The following CERS6 variants were observed in gnomAD, a reference collection of about 807,000 sequenced individuals.
CERS6 encodes the protein LAG1 homolog, ceramide synthase 6.
A neutral mutation model predicts 56.8 loss-of-function variants in CERS6; 26 were observed. The ratio of observed to expected loss-of-function variants is 0.46; its 90% CI spans 0.34 to 0.63. The LOEUF is 0.63. Ranked by LOEUF, CERS6 falls within the 30% of genes least tolerant of loss-of-function variation. CERS6 has a pLI of 0.01. For missense variants in CERS6, 415 were observed against 467.5 expected (o/e 0.89, Z 1.04); for synonymous variants, 164 against 173.3 (o/e 0.95, Z 0.42).
At chr2:168,538,737 C>T (rs1347778642) in intron 1 of CERS6, among the ~76,000 whole-genome samples, 1 of 152,230 alleles carries the variant, frequency 6.6e-6, no homozygotes, top group Non-Finnish European at 1.5e-5. Context: ...TAGATGCTCA[C>T]TGAGTCATTT....
Position 168,715,098 on chromosome 2 carries a change from G to A in CERS6, c.707G>A (p.Cys236Tyr), listed in dbSNP as rs764137443. The change falls in exon 7 of 10, where the codon TGT (cysteine) becomes TAT (tyrosine). Residue 236 changes from cysteine to tyrosine, a missense_variant. Cys to Tyr is a radical substitution (Grantham distance 194, BLOSUM62 -2). Transcript: ENST00000305747. ...GCCCGAGTAGGAACGCTGGTCCTTT[G>A]TCTTCATGATTCAGCTGATGCTCTT... is the stretch of plus-strand genomic sequence containing the variant. The part of the protein sequence containing the change: ...NMARVGTLVL[C>Y]LHDSADALLE... 3.7e-6 allele frequency: 6 copies of A among 1,612,510 alleles called. No homozygotes were observed. The highest frequency in any genetic ancestry group is 1.7e-4 in the Middle Eastern group (1 of 6,050).
At chr2:168,708,398 C>T (rs1024736149) in intron 6 of CERS6, among the ~76,000 whole-genome samples, 12 of 152,138 alleles carry the variant, frequency 7.9e-5, no homozygotes, top group African/African-American at 2.9e-4. Context: ...AAGCATGTTA[C>T]TCTGTAAGAA....
intron 3 of CERS6, among the ~76,000 whole-genome samples, chr2:168,630,301 TACACACACAC>T (rs3066962): frequency 2.9e-5 from 4 of 140,020 alleles, no homozygotes; most frequent in Non-Finnish European, 3.1e-5. Context: ...GTAATAAGTA[TACACACACAC>T]ACACACACAC....
intron 4 of CERS6, among the ~76,000 whole-genome samples, chr2:168,637,544 T>C (rs1452093728): frequency 2.6e-5 from 4 of 152,188 alleles, no homozygotes; most frequent in Non-Finnish European, 5.9e-5. Context: ...TGAAGTTGCT[T>C]ATTACAACTT....
chr2:168,477,180 A>C (rs1223710377), intron 1 of CERS6, among the ~76,000 whole-genome samples: 1 of 66,366 alleles, frequency 1.5e-5, no homozygotes, highest in Non-Finnish European at 3.1e-5. Flanking sequence ...AGACAGAGAG[A>C]GAGAGAGAGA....
chr2:168,741,668 A>T (rs562526445), intron 8 of CERS6, among the ~76,000 whole-genome samples: 16 of 152,230 alleles, frequency 1.1e-4, no homozygotes, highest in Non-Finnish European at 2.2e-4. Context: ...GCATGCTGGT[A>T]ATGAGACCAG....
chr2:168,600,728 C>A (rs1325925992), intron 3 of CERS6, among the ~76,000 whole-genome samples: 1 of 152,110 alleles, frequency 6.6e-6, no homozygotes, highest in Admixed American at 6.5e-5. Flanking sequence ...ACTGGAGATT[C>A]TAGACTGTAA....
chr2:168,595,559 AT>A lies in CERS6; in HGVS notation c.407+34241del, dbSNP rs957752150. Among the ~76,000 whole-genome samples, 9 of 152,352 alleles carry A rather than the reference AT, an allele frequency of 5.9e-5. No homozygotes were observed. The East Asian group carries it at 1.7e-3, about 29-fold the overall frequency. On this transcript the variant is annotated intron_variant, in intron 3 of 9. Transcript: ENST00000305747. ...TTACATTGGATTATGTATAATACCAATTTTAATTGGCTGATTTTAGTGACAG... is the reference window on the plus strand; with the variant it reads ...TTACATTGGATTATGTATAATACCAATTTAATTGGCTGATTTTAGTGACAG...
intron 3 of CERS6, among the ~76,000 whole-genome samples, chr2:168,600,854 T>G (rs534247336): frequency 6.6e-6 from 1 of 152,364 alleles, no homozygotes; most frequent in South Asian, 2.1e-4. Context: ...TGGTCACATG[T>G]AAGTGGTAGC....
chr2:168,602,643 T>C (rs1176225745), intron 3 of CERS6, among the ~76,000 whole-genome samples: 2 of 152,188 alleles, frequency 1.3e-5, no homozygotes, highest in African/African-American at 2.4e-5. Context: ...TGCAGAGTGG[T>C]CAGTGGGTAT....
chr2:168,736,535 T>C (rs866878553), intron 8 of CERS6, among the ~76,000 whole-genome samples: 1 of 151,972 alleles, frequency 6.6e-6, no homozygotes, highest in African/African-American at 2.4e-5. Context: ...CTCACCATGA[T>C]TTCCAGCCTG....
intron 8 of CERS6, 89 bp from the exon 9 acceptor site, chr2:168,765,503 T>C (rs904210895): frequency 6.6e-6 from 9 of 1,358,866 alleles, no homozygotes; most frequent in Middle Eastern, 1.9e-4. Context: ...GGAGATATTG[T>C]TGACCTTGTG....
chr2:168,468,621 CTGAG>C (rs1232318729), intron 1 of CERS6, among the ~76,000 whole-genome samples: 1 of 152,204 alleles, frequency 6.6e-6, no homozygotes, highest in Non-Finnish European at 1.5e-5. Context: ...CAATCACTTT[CTGAG>C]TGTTTGTTGA....
At position 168,520,598 on chromosome 2, in the gene CERS6, CTTTTTTTTTT is replaced by C. The variant is rs150724635; in HGVS notation, c.171-26978_171-26969del. On this transcript the variant is annotated intron_variant, in intron 1 of 9. Transcript: ENST00000305747. Reference sequence around the variant, plus strand: ...TTAACTCTTTAACATTTACAATATCCTTTTTTTTTTTTTTTTTTTTTTTTTTTTTGAGAAG... The same window carrying C: ...TTAACTCTTTAACATTTACAATATCCTTTTTTTTTTTTTTTTTTTGAGAAG... 7.4e-4 allele frequency among the ~76,000 whole-genome samples: 43 copies of C among 57,894 alleles called. 3 individuals are homozygous for C. The highest frequency in any genetic ancestry group is 3.1e-3 in the Admixed American group (10 of 3,266). 38.0% of individuals were successfully genotyped at this position (57,894 alleles called of 152,430 possible).
At chr2:168,661,617 C>T (rs976768059) in intron 4 of CERS6, among the ~76,000 whole-genome samples, 1 of 152,164 alleles carries the variant, frequency 6.6e-6, no homozygotes, top group Admixed American at 6.5e-5. Context: ...CTGACATTTT[C>T]GCTCAAGATA....
At chr2:168,506,834 G>A (rs920956892) in intron 1 of CERS6, among the ~76,000 whole-genome samples, 1 of 152,090 alleles carries the variant, frequency 6.6e-6, no homozygotes, top group African/African-American at 2.4e-5. Context: ...AAAAAATTTG[G>A]CCAGTTTTCA....
intron 1 of CERS6, among the ~76,000 whole-genome samples, chr2:168,518,294 T>C (rs1179652293): frequency 6.6e-6 from 1 of 152,206 alleles, no homozygotes; most frequent in East Asian, 1.9e-4. Flanking sequence ...ACTTTTTTAT[T>C]CCTCTCTTAA....
chr2:168,763,655 T>C (rs1559084972), intron 8 of CERS6, among the ~76,000 whole-genome samples: 1 of 152,244 alleles, frequency 6.6e-6, no homozygotes, highest in Non-Finnish European at 1.5e-5. Context: ...ATTTGTCTTA[T>C]GTTTTTATAT....
intron 2 of CERS6, among the ~76,000 whole-genome samples, chr2:168,554,361 A>G (rs544416899): frequency 1.3e-5 from 2 of 152,338 alleles, no homozygotes; most frequent in South Asian, 2.1e-4. Flanking sequence ...CTTGATCCCT[A>G]GTACCTCAGA....
Sources: gnomAD v4.1 joint callset for allele counts (sites outside exome capture counted in the v4.1 genomes callset) on GRCh38, gnomAD v4.1.1 for gene constraint, MANE v1.5 for transcripts, NCBI Gene and HGNC (gene_info 2026-07-23, HGNC 2026-07-21) for gene names.